RASGRP3: variants seen among roughly 807,000 people sequenced by gnomAD.
RASGRP3 encodes RAS guanyl releasing protein 3, also known as ras guanyl-releasing protein 3.
A neutral mutation model predicts 82.7 loss-of-function variants in RASGRP3; 54 were observed. That is an observed-to-expected ratio of 0.65 (90% CI 0.52 to 0.82). The LOEUF is 0.82. Among genes scored for constraint, RASGRP3 ranks in the 40% least tolerant of loss-of-function variants. RASGRP3 has a pLI of 0.00. For missense variants in RASGRP3, 861 were observed against 828.9 expected, an observed-to-expected ratio of 1.04 and a Z score of -0.48; for synonymous variants, 309 against 300.5, an observed-to-expected ratio of 1.03 and a Z score of -0.29.
At chr2:33,519,747 C>CA (rs1419970841) in intron 4 of RASGRP3, among the ~76,000 whole-genome samples, 1 of 151,900 alleles carries the variant, frequency 6.6e-6, no homozygotes, top group African/African-American at 2.4e-5. Context: ...TTCTTCAGAC[C>CA]AAAAAAATGC....
At chr2:33,498,396 A>C (rs895404430) in intron 1 of RASGRP3, among the ~76,000 whole-genome samples, 4 of 152,206 alleles carry the variant, frequency 2.6e-5, no homozygotes, top group Non-Finnish European at 4.4e-5. Context: ...TCTAGAGTCC[A>C]TGCTCTTTAC....
upstream of RASGRP3, among the ~76,000 whole-genome samples, chr2:33,472,791 C>G (rs987584601): frequency 7.2e-6 from 1 of 138,196 alleles, no homozygotes; most frequent in Non-Finnish European, 1.5e-5. Flanking sequence ...CCCGTCTCTA[C>G]TAAAAACATG....
intron 15 of RASGRP3, among the ~76,000 whole-genome samples, chr2:33,556,681 C>G (rs1044929704): frequency 6.6e-6 from 1 of 152,118 alleles, no homozygotes; most frequent in Non-Finnish European, 1.5e-5. Flanking sequence ...TCCAGTATTT[C>G]GTCCTCATTT....
intron 1 of RASGRP3, among the ~76,000 whole-genome samples, chr2:33,497,923 A>G (rs1448617886): frequency 6.6e-6 from 1 of 152,230 alleles, no homozygotes; most frequent in Non-Finnish European, 1.5e-5. Flanking sequence ...GATTTAAACT[A>G]GTTCTCATTT....
At chr2:33,515,510 G>T (rs1052154178) in intron 3 of RASGRP3, among the ~76,000 whole-genome samples, 7 of 152,122 alleles carry the variant, frequency 4.6e-5, no homozygotes, top group Non-Finnish European at 1.0e-4. Context: ...GGCCCTCTCA[G>T]ATGTTCATAG....
intron 2 of RASGRP3, among the ~76,000 whole-genome samples, chr2:33,455,340 T>C (rs1665984496): frequency 6.6e-6 from 1 of 152,272 alleles, no homozygotes; most frequent in Admixed American, 6.5e-5. Flanking sequence ...ACTCAGTTAC[T>C]GTCCCTTGAG....
chr2:33,500,167 G>T (rs1215521257), intron 1 of RASGRP3, among the ~76,000 whole-genome samples: 2 of 152,150 alleles, frequency 1.3e-5, no homozygotes, highest in African/African-American at 2.4e-5. Context: ...TTTCACAGCA[G>T]TATCACATGT....
intron 2 of RASGRP3, among the ~76,000 whole-genome samples, chr2:33,459,735 A>G (rs762969867): frequency 2.6e-5 from 4 of 152,166 alleles, no homozygotes; most frequent in African/African-American, 9.7e-5. Context: ...TATAAATGCA[A>G]TGAAGCCAGC....
intron 10 of RASGRP3, chr2:33,533,241 T>C (rs1309822538): frequency 6.6e-6 from 1 of 152,178 alleles, no homozygotes; most frequent in Non-Finnish European, 1.5e-5. Context: ...TTACAGAGTT[T>C]ATCCATGTTC....
chr2:33,484,010 T>TA lies in RASGRP3; in HGVS notation c.-261+7313dup, dbSNP rs369709497. 4.9e-3 allele frequency among the ~76,000 whole-genome samples: 733 copies of TA among 149,510 alleles called. 14 individuals are homozygous for TA. The highest frequency in any genetic ancestry group is 0.016 in the African/African-American group (663 of 41,030). On this transcript the variant is annotated intron_variant, in intron 1 of 17. Transcript: ENST00000403687. ...AATCTGTGATGGAATCAGACTCCAT[T>TA]AAAAAAAAAATTGGCTTAGTCACTT... is the stretch of plus-strand genomic sequence containing the variant.
chr2:33,546,522 C>A (rs1235843810), intron 13 of RASGRP3, among the ~76,000 whole-genome samples: 1 of 152,022 alleles, frequency 6.6e-6, no homozygotes, highest in Non-Finnish European at 1.5e-5. Context: ...TTCATTCAAC[C>A]ATTGTGGAAA....
intron 5 of RASGRP3, 143 bp from the exon 6 acceptor site, chr2:33,520,410 G>C (rs774045305): frequency 7.9e-5 from 87 of 1,102,406 alleles, no homozygotes; most frequent in Non-Finnish European, 1.1e-4. Context: ...TGGGGTTTTG[G>C]AGACAGGAGA....
intron 9 of RASGRP3, among the ~76,000 whole-genome samples, chr2:33,525,699 CAAAAAAAAAAAAAAAAA>C (rs1167570668): frequency 1.8e-5 from 1 of 54,396 alleles, no homozygotes; most frequent in African/African-American, 8.8e-5. Flanking sequence ...CCTGTCTCTA[CAAAAAAAAAAAAAAAAA>C]AAAAAAAAAA....
At chr2:33,513,160 G>A (rs1438632420) in intron 2 of RASGRP3, among the ~76,000 whole-genome samples, 2 of 152,202 alleles carry the variant, frequency 1.3e-5, no homozygotes, top group Non-Finnish European at 2.9e-5. Context: ...CAGCGTTTCT[G>A]CTGTTTTTAT....
At chr2:33,548,381 A>AAGAAG (rs1553363581) in intron 13 of RASGRP3, among the ~76,000 whole-genome samples, 4 of 127,952 alleles carry the variant, frequency 3.1e-5, no homozygotes, top group African/African-American at 1.2e-4. Context: ...AAAAAAAAAA[A>AAGAAG]AAGAAGGTAG....
Position 33,543,987 on chromosome 2 carries a change from A to G in RASGRP3, c.1394+360A>G, listed in dbSNP as rs543104066. Among the ~76,000 whole-genome samples, 12 of 152,302 alleles carry G rather than the reference A, an allele frequency of 7.9e-5. No homozygotes were observed. The East Asian group carries it at 2.3e-3, about 29-fold the overall frequency. The stretch of plus-strand genomic sequence containing the variant: ...CTGGGAGAGTCCTCAAAATTAGTGC[A>G]CCTGGAAGCAATCTTAAAATTCATG... On this transcript the variant is annotated intron_variant, in intron 13 of 17. Coordinates refer to ENST00000403687, the MANE Select transcript of RASGRP3 (RefSeq NM_001139488.2).
At chr2:33,495,089 C>T (rs1351705610) in intron 1 of RASGRP3, among the ~76,000 whole-genome samples, 4 of 152,216 alleles carry the variant, frequency 2.6e-5, no homozygotes, top group Non-Finnish European at 4.4e-5. Context: ...CAGTAACATT[C>T]CAAAGATCTG....
At chr2:33,550,316 C>T (rs1212496905) in intron 14 of RASGRP3, among the ~76,000 whole-genome samples, 1 of 152,182 alleles carries the variant, frequency 6.6e-6, no homozygotes, top group Non-Finnish European at 1.5e-5. Context: ...ATTTTACTTT[C>T]ACCATCTTGC....
At chr2:33,439,895 GGA>G (rs1221610467) in intron 1 of RASGRP3, among the ~76,000 whole-genome samples, 2 of 152,196 alleles carry the variant, frequency 1.3e-5, no homozygotes, top group Non-Finnish European at 2.9e-5. Context: ...ACTTGCTGGG[GGA>G]GAGATCAGGG....
Sources: allele counts gnomAD v4.1 joint callset (sites outside exome capture counted in the v4.1 genomes callset), GRCh38; gene constraint gnomAD v4.1.1; transcripts MANE v1.5; gene names NCBI Gene and HGNC (gene_info 2026-07-23, HGNC 2026-07-21).